Variants in ZXDC observed in about 807,000 individuals in gnomAD.
ZXDC encodes the protein ZXD family zinc finger C.
A neutral mutation model predicts 63.6 loss-of-function variants in ZXDC; 58 were observed. The ratio of observed to expected loss-of-function variants is 0.91; its 90% CI spans 0.74 to 1.13. ZXDC has a LOEUF of 1.13. Ranked by LOEUF, ZXDC falls within the 50% of genes most tolerant of loss-of-function variation. The probability of loss-of-function intolerance (pLI) is 0.00; values close to 1 mark genes in which losing one functional copy is unlikely to be tolerated. For synonymous variants in ZXDC, 561 were observed against 496.1 expected (o/e 1.13, Z -1.74); for missense variants, 1,133 against 1,148.9 (o/e 0.99, Z 0.20).
rs538171098 is a variant in ZXDC at position 126,473,193 on chromosome 3, C to T, written c.908-888G>A. Among the ~76,000 whole-genome samples, 12 of 152,292 alleles carry T rather than the reference C, an allele frequency of 7.9e-5. No homozygotes were observed. The South Asian group carries it at 8.3e-4, about 11-fold the overall frequency. On this transcript the variant is annotated intron_variant, in intron 1 of 9. Coordinates refer to ENST00000389709, the MANE Select transcript of ZXDC (RefSeq NM_025112.5). The stretch of plus-strand genomic sequence containing the variant: ...AATACCTCCAGGGTATTTTGGGCTT[C>T]GGTGTGTTCACACACTTGGTCATGT...
At chr3:126,440,552 C>T in intron 8 of ZXDC, 2 of 985,734 alleles carry the variant, frequency 2.0e-6, no homozygotes, top group Non-Finnish European at 2.4e-6. Context: ...CCTACCGTCT[C>T]CCTATTGCCA....
At chr3:126,446,135 C>G (rs112017388) in intron 7 of ZXDC, among the ~76,000 whole-genome samples, 3 of 152,126 alleles carry the variant, frequency 2.0e-5, no homozygotes, top group Non-Finnish European at 4.4e-5. Context: ...GGTAACAACA[C>G]CGAACTACAT....
At chr3:126,457,338 A>T (rs1253836085) in intron 7 of ZXDC, 1 of 985,304 alleles carries the variant, frequency 1.0e-6, no homozygotes, top group African/African-American at 1.7e-5. Flanking sequence ...GTGCAGGAAT[A>T]TGTGTCTAAA....
chr3:126,444,018 T>C (rs543040584), intron 7 of ZXDC, among the ~76,000 whole-genome samples: 6 of 152,348 alleles, frequency 3.9e-5, no homozygotes, highest in African/African-American at 1.4e-4. Flanking sequence ...TCAGCATCTA[T>C]TCTTGTCAAT....
At chr3:126,448,021 C>A (rs921701945) in intron 7 of ZXDC, among the ~76,000 whole-genome samples, 1 of 152,220 alleles carries the variant, frequency 6.6e-6, no homozygotes, top group African/African-American at 2.4e-5. Flanking sequence ...GCAGCCCTGG[C>A]TGAACTCTTC....
At chr3:126,439,017 T>TGC (rs1933569667) in intron 9 of ZXDC, among the ~76,000 whole-genome samples, 1 of 152,220 alleles carries the variant, frequency 6.6e-6, no homozygotes. Flanking sequence ...CTCTGATCCA[T>TGC]GCTGCCAAAC....
At chr3:126,474,856 C>G (rs886289128) in intron 1 of ZXDC, 103 bp downstream of exon 1, 3 of 1,324,098 alleles carry the variant, frequency 2.3e-6, no homozygotes, top group Non-Finnish European at 3.0e-6. Flanking sequence ...AGCCTGCGTC[C>G]CCGGCTTGCT....
At chr3:126,469,348 G>A (rs1050773245) in intron 4 of ZXDC, among the ~76,000 whole-genome samples, 72 of 152,260 alleles carry the variant, frequency 4.7e-4, no homozygotes, top group African/African-American at 1.6e-3. Context: ...TGCCCTCTGC[G>A]CATTAGACGC....
At position 126,438,264 on chromosome 3, in the gene ZXDC, G is replaced by A. The variant is rs536155036; in HGVS notation, c.*111C>T. 1,545 of 858,468 alleles carry A rather than the reference G, an allele frequency of 1.8e-3. 4 individuals are homozygous for A. Among genetic ancestry groups the A allele is most frequent in the Non-Finnish European group, 2.5e-3 (1,290 of 522,110 alleles). 53.2% of individuals were successfully genotyped at this position (858,468 alleles called of 1,614,324 possible). ...TACCCAAAAGTCTCAAAAGGGCTAC[G>A]CTGGTCTTCTGAACGGAAACCAAAT... is the stretch of plus-strand genomic sequence containing the variant. On this transcript the variant is annotated 3_prime_UTR_variant, in exon 10 of 10. Coordinates refer to ENST00000389709, the MANE Select transcript of ZXDC (RefSeq NM_025112.5).
chr3:126,451,933 C>T (rs575478738), intron 7 of ZXDC: 20 of 985,394 alleles, frequency 2.0e-5, no homozygotes, highest in East Asian at 1.1e-4. Context: ...GAAGGACACA[C>T]GACAAAAAGA....
intron 7 of ZXDC, chr3:126,453,159 T>C: frequency 1.0e-6 from 1 of 985,454 alleles, no homozygotes; most frequent in Non-Finnish European, 1.2e-6. Flanking sequence ...GAATGATTAC[T>C]TGTTTTCCTA....
At chr3:126,446,259 G>A (rs1933878395) in intron 7 of ZXDC, among the ~76,000 whole-genome samples, 1 of 152,190 alleles carries the variant, frequency 6.6e-6, no homozygotes, top group African/African-American at 2.4e-5. Context: ...TGGGAAGCAA[G>A]GAAGGACTCC....
chr3:126,451,438 C>A (rs1934095649), intron 7 of ZXDC: 1 of 985,288 alleles, frequency 1.0e-6, no homozygotes, highest in Admixed American at 6.1e-5. Context: ...ACACAGATCC[C>A]TGGGATTTCC....
intron 1 of ZXDC, among the ~76,000 whole-genome samples, chr3:126,473,758 T>A (rs1326962737): frequency 6.6e-6 from 1 of 152,212 alleles, no homozygotes; most frequent in East Asian, 1.9e-4. Context: ...AAGGACATTA[T>A]AAGGAGAGCC....
chr3:126,461,548 C>CCAGTGCCTG lies in ZXDC; in HGVS notation c.2105_2113dup (p.Ala702_Thr704dup). 1 of 1,608,886 alleles carries CCAGTGCCTG rather than the reference C, an allele frequency of 6.2e-7. No individual in the cohort carries two copies. Among genetic ancestry groups the CCAGTGCCTG allele is most frequent in the Non-Finnish European group, 8.5e-7 (1 of 1,176,146 alleles). ...AGTGCTTCATACCAAATAGAAGTTG[C>CCAGTGCCTG]CAGTGCCTGCACTGAGCTCTGTGTC... On this transcript the variant is annotated inframe_insertion, in exon 6 of 10. Transcript: ENST00000389709.
At chr3:126,470,608 T>C (rs1279172613) in intron 4 of ZXDC, among the ~76,000 whole-genome samples, 1 of 152,138 alleles carries the variant, frequency 6.6e-6, no homozygotes, top group Non-Finnish European at 1.5e-5. Context: ...AAACAGGCAT[T>C]TTCCACATTT....
chr3:126,475,510 G>C lies in ZXDC; in HGVS notation c.356C>G (p.Pro119Arg). 1 of 1,245,916 alleles carries C rather than the reference G, an allele frequency of 8.0e-7. No individual in the cohort carries two copies. The highest frequency in any genetic ancestry group is 1.0e-6 in the Non-Finnish European group (1 of 997,858). 77.2% of individuals were successfully genotyped at this position (1,245,916 alleles called of 1,614,324 possible). ...GCCCGCCGGGGCTACGCCAGGGCCG[G>C]GGGGGGCGGCCGGGCCGCTGGGGCC... ...EQGPSGPAAP[P>R]GPGVAPAGAV... Residue 119 changes from proline (P) to arginine (R), a missense_variant, in exon 1 of 10, where the codon CCC becomes CGC. By Grantham distance (103) the Pro-to-Arg change is moderately radical. Coordinates refer to ENST00000389709, the MANE Select transcript of ZXDC (RefSeq NM_025112.5).
At chr3:126,452,820 C>A (rs1934157304) in intron 7 of ZXDC, among the ~76,000 whole-genome samples, 1 of 151,534 alleles carries the variant, frequency 6.6e-6, no homozygotes, top group South Asian at 2.1e-4. Context: ...CTCACGACAA[C>A]CTCCATCTCC....
chr3:126,442,110 T>G (rs541099038), intron 7 of ZXDC, 164 bp from the exon 8 acceptor site: 3 of 751,098 alleles, frequency 4.0e-6, no homozygotes, highest in East Asian at 3.3e-5. Context: ...AGTTAAGAGG[T>G]TGAAACAAAC....
Sources: allele counts gnomAD v4.1 joint callset (sites outside exome capture counted in the v4.1 genomes callset), GRCh38; gene constraint gnomAD v4.1.1; transcripts MANE v1.5; gene names NCBI Gene and HGNC (gene_info 2026-07-23, HGNC 2026-07-21).